Variants in ABCD3 observed in about 807,000 individuals in gnomAD.
The protein encoded by ABCD3 is ATP-binding cassette sub-family D member 3.
ABCD3 carries 41 observed loss-of-function variants against 105.5 expected under a neutral mutation model. The observed-to-expected ratio is 0.39, with a 90% CI of 0.30 to 0.50. The LOEUF (loss-of-function observed/expected upper bound fraction) is 0.50, where lower values mean the gene tolerates loss of function less well. Ranked by LOEUF, ABCD3 falls within the 20% of genes least tolerant of loss-of-function variation. The pLI is 0.84. For missense variants in ABCD3, 622 were observed against 806.3 expected, an observed-to-expected ratio of 0.77 and a Z score of 2.77; for synonymous variants, 258 against 269.0, an observed-to-expected ratio of 0.96 and a Z score of 0.40.
At position 94,459,583 on chromosome 1, in the gene ABCD3, A is replaced by G. The variant is rs533431827; in HGVS notation, c.147+940A>G. Among the ~76,000 whole-genome samples, 36 of 152,322 alleles carry G rather than the reference A, an allele frequency of 2.4e-4. 1 individual carries two copies. In the South Asian group the frequency reaches 7.2e-3, roughly 31 times the overall value. On this transcript the variant is annotated intron_variant, in intron 2 of 22. Transcript: ENST00000370214. ...CTTCAGGTGTATTTTTGACAACTCT[A>G]TATCTCTACATGTTATATTCATGAT...
At position 94,455,849 on chromosome 1, in the gene ABCD3, C is replaced by T. The variant is rs1233923544; in HGVS notation, c.111-2758C>T. Reference sequence around the variant, plus strand: ...TGTATATATATATTTTTGTGAGCATCGTACTGCATGAATCTCCATTTATCT... The same window carrying T: ...TGTATATATATATTTTTGTGAGCATTGTACTGCATGAATCTCCATTTATCT... On this transcript the variant is annotated intron_variant, in intron 1 of 22. Transcript: ENST00000370214. The T allele has an allele frequency of 5.5e-6, 7 of 1,263,408 alleles. No homozygotes were observed. The East Asian group carries it at 1.7e-4, about 32-fold the overall frequency. 78.3% of individuals were successfully genotyped at this position (1,263,408 alleles called of 1,614,324 possible). A position where few individuals can be genotyped will look rare whatever the true frequency, so the allele number is the denominator to read the frequency against.
chr1:94,411,682 A>G, the ABCD3 span, among the ~76,000 whole-genome samples: 1 of 152,192 alleles, frequency 6.6e-6, no homozygotes, highest in Admixed American at 6.5e-5. Flanking sequence ...ACCCCTCCCA[A>G]TACATGTACA....
the ABCD3 span, among the ~76,000 whole-genome samples, chr1:94,410,882 A>C: frequency 2.0e-5 from 3 of 152,240 alleles, no homozygotes; most frequent in African/African-American, 7.2e-5. Context: ...TTCATTTTCA[A>C]ATGTAATTGG....
At chr1:94,457,587 G>T (rs532408234) in intron 1 of ABCD3, among the ~76,000 whole-genome samples, 1 of 152,010 alleles carries the variant, frequency 6.6e-6, no homozygotes, top group Admixed American at 6.6e-5. Flanking sequence ...CCCCACCTTA[G>T]AGTCTGGCTC....
chr1:94,418,377 CTCTGCTCT>C, upstream of ABCD3: 1 of 1,082,084 alleles, frequency 9.2e-7, no homozygotes, highest in Non-Finnish European at 1.4e-6. Context: ...CGGCCCCGCC[CTCTGCTCT>C]CCTCCCAGTC....
chr1:94,455,875 CT>C (rs1232138846), intron 1 of ABCD3: 77 of 1,220,172 alleles, frequency 6.3e-5, no homozygotes, highest in Non-Finnish European at 8.1e-5. Flanking sequence ...CCATTTATCT[CT>C]AAGTATCAAT....
At chr1:94,452,154 A>G (rs1647289526) in intron 1 of ABCD3, among the ~76,000 whole-genome samples, 1 of 152,168 alleles carries the variant, frequency 6.6e-6, no homozygotes, top group African/African-American at 2.4e-5. Context: ...AAAGAGTGCA[A>G]TTAATTATTA....
intron 1 of ABCD3, among the ~76,000 whole-genome samples, chr1:94,433,547 A>G (rs1659774270): frequency 6.6e-6 from 1 of 151,990 alleles, no homozygotes; most frequent in Admixed American, 6.6e-5. Context: ...GGTATATGGT[A>G]TAGTCTATTG....
chr1:94,435,397 G>C (rs375694734), intron 1 of ABCD3, among the ~76,000 whole-genome samples: 51 of 152,162 alleles, frequency 3.4e-4, no homozygotes, highest in African/African-American at 1.2e-3. Flanking sequence ...AAACATTAGG[G>C]AGGTGTGGTG....
chr1:94,487,113 T>C (rs1402416249), intron 10 of ABCD3, among the ~76,000 whole-genome samples: 3 of 152,110 alleles, frequency 2.0e-5, no homozygotes, highest in Non-Finnish European at 4.4e-5. Context: ...GCACAGACCA[T>C]GTGTCTCCAC....
the ABCD3 span, among the ~76,000 whole-genome samples, chr1:94,409,013 T>C: frequency 3.3e-5 from 5 of 152,166 alleles, no homozygotes; most frequent in African/African-American, 1.2e-4. Flanking sequence ...TCTGTTCCTT[T>C]TTATAACTTT....
At chr1:94,423,449 C>T (rs1427930899) in intron 1 of ABCD3, among the ~76,000 whole-genome samples, 2 of 152,140 alleles carry the variant, frequency 1.3e-5, no homozygotes, top group Non-Finnish European at 2.9e-5. Context: ...TTTCAGGGAG[C>T]TTGTGTTTCT....
chr1:94,452,452 A>G (rs1647301380), intron 1 of ABCD3, among the ~76,000 whole-genome samples: 1 of 152,232 alleles, frequency 6.6e-6, no homozygotes, highest in South Asian at 2.1e-4. Flanking sequence ...ACTTGAGCAC[A>G]GAGTGTGCCT....
the ABCD3 span, among the ~76,000 whole-genome samples, chr1:94,410,504 G>A: frequency 6.6e-6 from 1 of 152,102 alleles, no homozygotes; most frequent in African/African-American, 2.4e-5. Flanking sequence ...CTTCACTGGG[G>A]TTGGTAGATG....
chr1:94,425,260 G>A (rs1255530378), intron 1 of ABCD3, among the ~76,000 whole-genome samples: 2 of 151,954 alleles, frequency 1.3e-5, no homozygotes, highest in Non-Finnish European at 1.5e-5. Flanking sequence ...TTTTATTTTT[G>A]TTTCCTTTTA....
chr1:94,414,650 T>C (rs558295992), upstream of ABCD3, among the ~76,000 whole-genome samples: 3 of 152,288 alleles, frequency 2.0e-5, no homozygotes, highest in South Asian at 4.1e-4. Flanking sequence ...CCTCCACAAA[T>C]TGACTTCAGT....
rs1245314424 is a variant in ABCD3, at chr1:94,430,288, T to C, written c.110+11700T>C. Among the ~76,000 whole-genome samples, 6 of 152,298 alleles carry C rather than the reference T, an allele frequency of 3.9e-5. No individual in the cohort carries two copies. The East Asian group carries it at 9.6e-4, about 24-fold the overall frequency. ...TCAGATGAGACTGGACTGTGGACTT[T>C]TGAGTTAATGCTGAAATGAATTAAG... is the stretch of plus-strand genomic sequence containing the variant. On this transcript the variant is annotated intron_variant, in intron 1 of 22. Coordinates refer to ENST00000370214, the MANE Select transcript of ABCD3 (RefSeq NM_002858.4).
chr1:94,453,323 C>CTTTT (rs766404829), intron 1 of ABCD3, among the ~76,000 whole-genome samples: 1 of 135,468 alleles, frequency 7.4e-6, no homozygotes, highest in Non-Finnish European at 1.6e-5. Flanking sequence ...TTATATTTTT[C>CTTTT]TTTTTTTTTT....
the ABCD3 span, among the ~76,000 whole-genome samples, chr1:94,399,460 C>G: frequency 6.6e-6 from 1 of 152,182 alleles, no homozygotes; most frequent in Admixed American, 6.5e-5. Flanking sequence ...CTGGAAATCT[C>G]TCAGTAGCCA....
Sources: gnomAD v4.1 joint callset for allele counts (sites outside exome capture counted in the v4.1 genomes callset) on GRCh38, gnomAD v4.1.1 for gene constraint, MANE v1.5 for transcripts, NCBI Gene and HGNC (gene_info 2026-07-23, HGNC 2026-07-21) for gene names.